Variants in ROBO2 observed in about 807,000 individuals in gnomAD.
ROBO2 encodes roundabout homolog 2.
ROBO2 carries 53 observed loss-of-function variants against 160.8 expected under a neutral mutation model. The observed-to-expected ratio is 0.33, with a 90% CI of 0.26 to 0.41. The LOEUF (loss-of-function observed/expected upper bound fraction) is 0.41. Among genes scored for constraint, ROBO2 ranks in the 10% least tolerant of loss-of-function variants. The pLI, the probability that ROBO2 is intolerant of heterozygous loss-of-function variation, is 1.00. For synonymous variants in ROBO2, 664 were observed against 611.7 expected (o/e 1.09, Z -1.26); for missense variants, 1,577 against 1,722.4 (o/e 0.92, Z 1.49).
chr3:77,006,230 A>G (rs1406027927), intron 2 of ROBO2, among the ~76,000 whole-genome samples: 1 of 152,000 alleles, frequency 6.6e-6, no homozygotes, highest in East Asian at 1.9e-4. Context: ...TATGTGATTA[A>G]TAGGAATATA....
intron 2 of ROBO2, among the ~76,000 whole-genome samples, chr3:76,699,717 G>A (rs1192992599): frequency 6.6e-6 from 1 of 152,098 alleles, no homozygotes; most frequent in Non-Finnish European, 1.5e-5. Context: ...AACCATTGAT[G>A]CCTTGTAAAA....
intron 2 of ROBO2, among the ~76,000 whole-genome samples, chr3:76,484,584 C>G (rs190969153): frequency 6.6e-6 from 1 of 152,202 alleles, no homozygotes; most frequent in East Asian, 1.9e-4. Flanking sequence ...ATTTTCTGAT[C>G]ATTATAGGTT....
At chr3:76,830,811 T>TA (rs10666160) in intron 2 of ROBO2, among the ~76,000 whole-genome samples, 34,594 of 132,504 alleles carry the variant, frequency 0.26, 6,913 homozygotes, top group African/African-American at 0.57. Flanking sequence ...ACCTCATTTC[T>TA]AAAAAAAAAA....
intron 2 of ROBO2, among the ~76,000 whole-genome samples, chr3:76,555,988 G>T (rs1319407450): frequency 2.0e-5 from 3 of 152,078 alleles, no homozygotes; most frequent in African/African-American, 7.2e-5. Context: ...CTACTTGGCA[G>T]GCTGACGCAG....
At chr3:76,461,594 A>G (rs1003886155) in intron 2 of ROBO2, among the ~76,000 whole-genome samples, 2 of 152,216 alleles carry the variant, frequency 1.3e-5, no homozygotes, top group African/African-American at 4.8e-5. Flanking sequence ...TAAAGAAGGA[A>G]TTCTTAAGCA....
At chr3:76,330,084 T>A (rs1015203959) in intron 2 of ROBO2, among the ~76,000 whole-genome samples, 3 of 152,196 alleles carry the variant, frequency 2.0e-5, no homozygotes, top group Non-Finnish European at 4.4e-5. Context: ...GAAAGGTGAT[T>A]ATAAAATAGC....
At chr3:76,019,000 T>C (rs1307710346) in intron 2 of ROBO2, among the ~76,000 whole-genome samples, 2 of 151,802 alleles carry the variant, frequency 1.3e-5, no homozygotes, top group African/African-American at 4.8e-5. Flanking sequence ...GGTTAGGTTT[T>C]CTTTGAAGTT....
chr3:76,890,831 C>G (rs2074292954), intron 2 of ROBO2, among the ~76,000 whole-genome samples: 1 of 152,038 alleles, frequency 6.6e-6, no homozygotes, highest in Non-Finnish European at 1.5e-5. Flanking sequence ...ATTTCTTCTT[C>G]TTCTTGCCTG....
At chr3:75,920,651 G>T (rs1947000358) in intron 1 of ROBO2, among the ~76,000 whole-genome samples, 1 of 152,100 alleles carries the variant, frequency 6.6e-6, no homozygotes, top group Non-Finnish European at 1.5e-5. Flanking sequence ...CACTATTATT[G>T]TGTGGGAGTC....
At chr3:77,236,538 T>TG (rs987917948) in intron 2 of ROBO2, among the ~76,000 whole-genome samples, 3 of 152,310 alleles carry the variant, frequency 2.0e-5, no homozygotes, top group Non-Finnish European at 4.4e-5. Context: ...ACCAGATGGT[T>TG]GGGGGTCCTT....
intron 2 of ROBO2, among the ~76,000 whole-genome samples, chr3:76,594,727 T>C (rs2086633226): frequency 1.3e-5 from 2 of 152,070 alleles, no homozygotes; most frequent in Admixed American, 1.3e-4. Flanking sequence ...GTATTTTATT[T>C]AATTGCCAAA....
chr3:77,631,070 A>G (rs555129831), intron 23 of ROBO2: 1 of 151,648 alleles, frequency 6.6e-6, no homozygotes, highest in South Asian at 2.1e-4. Flanking sequence ...TGATTCTCTC[A>G]GAAGAGGCTC....
chr3:76,389,039 A>G (rs1314777837), intron 2 of ROBO2, among the ~76,000 whole-genome samples: 2 of 152,214 alleles, frequency 1.3e-5, no homozygotes, highest in African/African-American at 4.8e-5. Flanking sequence ...CTATACATAG[A>G]AAAGGTTATT....
At chr3:76,617,101 T>G (rs2088646228) in intron 2 of ROBO2, among the ~76,000 whole-genome samples, 1 of 152,054 alleles carries the variant, frequency 6.6e-6, no homozygotes. Context: ...TCACTATAAG[T>G]CACATTGTTA....
At chr3:77,213,979 G>A (rs1321574168) in intron 2 of ROBO2, among the ~76,000 whole-genome samples, 1 of 152,112 alleles carries the variant, frequency 6.6e-6, no homozygotes, top group East Asian at 1.9e-4. Flanking sequence ...TACATTTGCT[G>A]AGGAGTGCTT....
At chr3:76,468,734 C>T (rs2078489316) in intron 2 of ROBO2, among the ~76,000 whole-genome samples, 1 of 152,010 alleles carries the variant, frequency 6.6e-6, no homozygotes, top group Non-Finnish European at 1.5e-5. Context: ...TTTTCTCTCC[C>T]ATGTCCTCTC....
intron 1 of ROBO2, chr3:75,937,412 T>C (rs1947832682): frequency 1.3e-6 from 1 of 766,462 alleles, no homozygotes; most frequent in Admixed American, 2.9e-5. Context: ...ATATGGGATT[T>C]GAGTCGTAGT....
exon 13 of ROBO2, chr3:77,568,368 AGATGTCCTT>A: frequency 6.2e-7 from 1 of 1,613,074 alleles, no homozygotes. Context: ...AAGAGCTAGG[AGATGTCCTT>A]GTCCGTCTTC....
intron 2 of ROBO2, among the ~76,000 whole-genome samples, chr3:76,313,688 A>G (rs796371588): frequency 6.6e-6 from 1 of 152,152 alleles, no homozygotes; most frequent in South Asian, 2.1e-4. Flanking sequence ...CAGATACTCT[A>G]TTTCTAAAAA....
Sources: allele counts gnomAD v4.1 joint callset (sites outside exome capture counted in the v4.1 genomes callset), GRCh38; gene constraint gnomAD v4.1.1; transcripts MANE v1.5; gene names NCBI Gene and HGNC (gene_info 2026-07-23, HGNC 2026-07-21).